Variants in SAMD4B observed in about 807,000 individuals in gnomAD.
SAMD4B encodes protein Smaug homolog 2.
A neutral mutation model predicts 74.5 loss-of-function variants in SAMD4B; 5 were observed. The ratio of observed to expected loss-of-function variants is 0.07; its 90% confidence interval spans 0.04 to 0.14. SAMD4B has a LOEUF of 0.14. Among genes scored for constraint, SAMD4B ranks in the 10% least tolerant of loss-of-function variants. The pLI, the probability that SAMD4B is intolerant of heterozygous loss-of-function variation, is 1.00. For missense variants in SAMD4B, 608 were observed against 921.8 expected (o/e 0.66, Z 4.41); for synonymous variants, 373 against 374.9 (o/e 1.00, Z 0.06).
chr19:39,390,745 G>A, the SAMD4B span: 2 of 1,461,320 alleles, frequency 1.4e-6, no homozygotes, highest in Non-Finnish European at 1.9e-6. Context: ...AGACCTGGGG[G>A]CTGGTGACGT....
At position 39,342,463 on chromosome 19, in the gene SAMD4B, G is replaced by A; in HGVS notation, c.-380G>A. On this transcript the variant is annotated 5_prime_UTR_variant, in exon 1 of 14. Coordinates refer to ENST00000610417, the MANE Select transcript of SAMD4B (RefSeq NM_001384574.2). Reference sequence around the variant, plus strand: ...CGCGACGGCGGCGGCGGCGGCGGCGGCGGTGGTCGGTGCGGGAGGAGGGAG... The same window carrying A: ...CGCGACGGCGGCGGCGGCGGCGGCGACGGTGGTCGGTGCGGGAGGAGGGAG... 5.5e-6 allele frequency: 1 copy of A among 182,920 alleles called. No individual in the cohort carries two copies. The highest frequency in any genetic ancestry group is 1.1e-5 in the Non-Finnish European group (1 of 92,122). 11.3% of individuals were successfully genotyped at this position (182,920 alleles called of 1,614,324 possible).
chr19:39,359,759 A>G (rs1406379709), intron 3 of SAMD4B: 1 of 152,220 alleles, frequency 6.6e-6, no homozygotes, highest in Non-Finnish European at 1.5e-5. Flanking sequence ...CTCTTGACCA[A>G]TAGACTCTTC....
At chr19:39,389,628 C>T (rs763569504), downstream of SAMD4B, 1 of 1,614,192 alleles carries the variant, frequency 6.2e-7, no homozygotes, top group South Asian at 1.1e-5. This position sits in a 1 kb window ranked among gnomAD's most constrained non-coding sequence, Gnocchi z 5.3. Context: ...CCCTCCCTGT[C>T]TCCCCACACA....
Position 39,378,704 on chromosome 19 carries a change from G to A in SAMD4B, c.1530+115G>A, listed in dbSNP as rs139176556. 39 of 770,990 alleles carry A rather than the reference G, an allele frequency of 5.1e-5. 1 individual carries two copies. The East Asian group carries it at 5.6e-4, about 11-fold the overall frequency. 47.8% of individuals were successfully genotyped at this position (770,990 alleles called of 1,614,324 possible). The stretch of plus-strand genomic sequence containing the variant: ...GGGCGGATCATGAGGTCAGGAGATC[G>A]AGACCATCCTGGCTAACACAGTGAA... On this transcript the variant is annotated intron_variant, in intron 9 of 13. Transcript: ENST00000610417. This position sits in a 1 kb window ranked among gnomAD's most constrained non-coding sequence, Gnocchi z 4.4.
At position 39,384,043 on chromosome 19, in the gene SAMD4B, G is replaced by C. The variant is rs758967208; in HGVS notation, c.*516G>C. The C allele has an allele frequency of 1.1e-5, 4 of 378,394 alleles. No homozygotes were observed. Among genetic ancestry groups the C allele is most frequent in the Non-Finnish European group, 1.9e-5 (4 of 209,182 alleles). 23.4% of individuals were successfully genotyped at this position (378,394 alleles called of 1,614,324 possible). A position where few individuals can be genotyped will look rare whatever the true frequency, so the allele number is the denominator to read the frequency against. On this transcript the variant is annotated 3_prime_UTR_variant, in exon 14 of 14. Transcript: ENST00000610417. ...AGAGGAAGCTCTCTCTCCTCTCCCT[G>C]CTTCCCCTTCACCATTCCCCACATT...
rs557754760 is a variant in SAMD4B at position 39,381,587 on chromosome 19, G to A, written c.1972+474G>A. On this transcript the variant is annotated intron_variant, in intron 12 of 13. Coordinates refer to ENST00000610417, the MANE Select transcript of SAMD4B (RefSeq NM_001384574.2). ...GTGGACTTCACCTCTTAGAACAGGT[G>A]TTTGAAGTGAGAGGGCTGTTTTGAC... 7.2e-5 allele frequency among the ~76,000 whole-genome samples: 11 copies of A among 152,282 alleles called. No homozygotes were observed. In the South Asian group the frequency reaches 2.1e-3, roughly 29 times the overall value.
chr19:39,361,678 C>T (rs561184940), intron 3 of SAMD4B, among the ~76,000 whole-genome samples: 75 of 151,786 alleles, frequency 4.9e-4, no homozygotes, highest in African/African-American at 1.7e-3. Flanking sequence ...AATCCCAGCA[C>T]TTTCGGAGGC....
intron 1 of SAMD4B, among the ~76,000 whole-genome samples, chr19:39,353,573 C>T (rs2076174937): frequency 6.6e-6 from 1 of 151,906 alleles, no homozygotes. Flanking sequence ...AGTTACAGAT[C>T]AAACATTGTA....
Position 39,383,781 on chromosome 19 carries a change from ACTGC to A in SAMD4B, c.*261_*264del. 7.1e-7 allele frequency: 1 copy of A among 1,408,884 alleles called. No homozygotes were observed. Among genetic ancestry groups the A allele is most frequent in the South Asian group, 1.2e-5 (1 of 80,122 alleles). 87.3% of individuals were successfully genotyped at this position (1,408,884 alleles called of 1,614,324 possible). A position where few individuals can be genotyped will look rare whatever the true frequency, so the allele number is the denominator to read the frequency against. Reference sequence around the variant, plus strand: ...GATAAAGGGGGCAGGGACTGGCCAGACTGCCTGCCTCTCTCCTTTCCTTCCTCAT... The same window carrying A: ...GATAAAGGGGGCAGGGACTGGCCAGACTGCCTCTCTCCTTTCCTTCCTCAT... On this transcript the variant is annotated 3_prime_UTR_variant, in exon 14 of 14. Coordinates refer to ENST00000610417, the MANE Select transcript of SAMD4B (RefSeq NM_001384574.2). This position sits in a 1 kb window ranked among gnomAD's most constrained non-coding sequence, Gnocchi z 4.1.
downstream of SAMD4B, chr19:39,386,874 G>A (rs1440181315): frequency 2.0e-6 from 2 of 990,796 alleles, no homozygotes; most frequent in South Asian, 1.3e-5. This position sits in a 1 kb window ranked among gnomAD's most constrained non-coding sequence, Gnocchi z 6.1. Context: ...CCGCCCCCCA[G>A]TGAGGGGTCT....
chr19:39,381,017 A>G lies in SAMD4B; in HGVS notation c.1876A>G (p.Ser626Gly), dbSNP rs756864741. The G allele has an allele frequency of 5.3e-5, 85 of 1,612,518 alleles. No homozygotes were observed. The highest frequency in any genetic ancestry group is 7.0e-5 in the Non-Finnish European group (83 of 1,179,642). Residue 626 changes from serine to glycine, a missense_variant, in exon 12 of 14, where the codon AGC (serine) becomes GGC (glycine). This residue lies in a region of SAMD4B where 167 missense variants were observed against 193.0 expected (regional missense o/e 0.87). Transcript: ENST00000610417. ...CCTGTGGTTTGCCAACCCTGGAGGCAGCAACAGCATGCCCAGTCAGAGCCG... is the reference window on the plus strand; with the variant it reads ...CCTGTGGTTTGCCAACCCTGGAGGCGGCAACAGCATGCCCAGTCAGAGCCG... ...QNLWFANPGG[S>G]NSMPSQSRSS... is the part of the protein sequence containing the mutation.
chr19:39,376,831 A>G, intron 7 of SAMD4B, 40 bp downstream of exon 7: 3 of 1,563,290 alleles, frequency 1.9e-6, no homozygotes, highest in Non-Finnish European at 8.8e-7. Flanking sequence ...CCAGCCAGCC[A>G]CTTGGTGGTA....
At position 39,357,031 on chromosome 19, in the gene SAMD4B, G is replaced by A. The variant is rs759031161; in HGVS notation, c.138G>A (p.Glu46=). 186 of 1,613,930 alleles carry A rather than the reference G, an allele frequency of 1.2e-4. No homozygotes were observed. The highest frequency in any genetic ancestry group is 1.5e-4 in the Non-Finnish European group (173 of 1,179,938). ...TQARFLQLCL[E]HSLADCNDIH... ...CCCGCTTCCTGCAGCTCTGCCTGGA[G>A]CACTCACTGGCGGACTGCAATGACA... Residue 46 remains glutamate (E), a synonymous_variant, in exon 3 of 14, where the codon GAG becomes GAA. Transcript: ENST00000610417.
chr19:39,389,633 C>A (rs1452054843), downstream of SAMD4B: 2 of 1,614,226 alleles, frequency 1.2e-6, no homozygotes, highest in Non-Finnish European at 1.7e-6. The surrounding 1 kb of genome is among the most constrained non-coding windows in gnomAD (Gnocchi z 5.3). Flanking sequence ...CCTGTCTCCC[C>A]ACACACCATT....
intron 3 of SAMD4B, among the ~76,000 whole-genome samples, chr19:39,360,822 G>A (rs1323366067): frequency 1.3e-5 from 2 of 152,188 alleles, no homozygotes; most frequent in African/African-American, 4.8e-5. Context: ...TTAGGTGACT[G>A]TTACAATCCA....
Position 39,383,408 on chromosome 19 carries a change from G to T in SAMD4B, c.2057-91G>T. The T allele has an allele frequency of 6.4e-7, 1 of 1,567,218 alleles. No individual in the cohort carries two copies. The highest frequency in any genetic ancestry group is 8.8e-7 in the Non-Finnish European group (1 of 1,137,234). On this transcript the variant is annotated intron_variant, in intron 13 of 13. Coordinates refer to ENST00000610417, the MANE Select transcript of SAMD4B (RefSeq NM_001384574.2). The surrounding 1 kb of genome is among the most constrained non-coding windows in gnomAD (Gnocchi z 4.1). ...CAGGGGAGGCCAGACTCCAGGGAGG[G>T]CCTGACTGGGATGACAGGCTACCTG... is the stretch of plus-strand genomic sequence containing the variant.
chr19:39,359,527 G>T (rs1428041156), intron 3 of SAMD4B, among the ~76,000 whole-genome samples: 1 of 152,050 alleles, frequency 6.6e-6, no homozygotes. Flanking sequence ...TAACCAGTTT[G>T]GTTTTTTCAC....
intron 12 of SAMD4B, among the ~76,000 whole-genome samples, chr19:39,381,980 C>T (rs968876598): frequency 6.6e-6 from 1 of 152,166 alleles, no homozygotes; most frequent in Non-Finnish European, 1.5e-5. Context: ...ACTTGCTAAC[C>T]GCAGGTCCCT....
At chr19:39,388,377 T>C, downstream of SAMD4B, 1 of 1,614,094 alleles carries the variant, frequency 6.2e-7, no homozygotes, top group Non-Finnish European at 8.5e-7. Flanking sequence ...CGTCACCCTC[T>C]CGGAAGATGA....
Sources: gnomAD v4.1 joint callset for allele counts (sites outside exome capture counted in the v4.1 genomes callset) on GRCh38, gnomAD v4.1.1 for gene constraint, gnomAD v4.1.1 regional missense constraint, Gnocchi (gnomAD v3.1) non-coding constraint, MANE v1.5 for transcripts, NCBI Gene and HGNC (gene_info 2026-07-23, HGNC 2026-07-21) for gene names.